Variants in ZNF382 observed in about 807,000 individuals in gnomAD.
The protein encoded by ZNF382 is zinc finger protein 382.
In ZNF382, 20 loss-of-function variants were observed where a neutral mutation model predicts 38.8. The observed-to-expected ratio is 0.51, with a 90% CI of 0.36 to 0.75. ZNF382 has a LOEUF of 0.75. Ranked by LOEUF, ZNF382 falls within the 30% of genes least tolerant of loss-of-function variation. ZNF382 has a pLI of 0.00. For synonymous variants in ZNF382, 202 were observed against 223.1 expected (o/e 0.91, Z 0.84); for missense variants, 546 against 654.1 (o/e 0.83, Z 1.80).
At chr19:36,618,192 A>G (rs888599911) in intron 4 of ZNF382, among the ~76,000 whole-genome samples, 5 of 152,150 alleles carry the variant, frequency 3.3e-5, no homozygotes, top group Admixed American at 3.3e-4. Context: ...TCCATGCTGA[A>G]CTACTCTCTT....
At chr19:36,618,677 CAAATAAGTGGGTTTTTT>C (rs1459528751) in intron 4 of ZNF382, among the ~76,000 whole-genome samples, 2 of 133,670 alleles carry the variant, frequency 1.5e-5, no homozygotes, top group Non-Finnish European at 3.3e-5. Context: ...TTAGTGCCTT[CAAATAAGTGGGTTTTTT>C]TTTTATCAGC....
chr19:36,622,375 T>A (rs2037177167), intron 4 of ZNF382, among the ~76,000 whole-genome samples: 1 of 152,174 alleles, frequency 6.6e-6, no homozygotes, highest in Non-Finnish European at 1.5e-5. Flanking sequence ...AAAGCTGTTA[T>A]ACTCACAGTT....
chr19:36,621,110 A>G (rs1268273007), intron 4 of ZNF382, among the ~76,000 whole-genome samples: 3 of 152,150 alleles, frequency 2.0e-5, no homozygotes, highest in African/African-American at 7.2e-5. Context: ...TCTTGTTCCC[A>G]TAATCAGCCC....
chr19:36,623,517 C>G (rs2037185688), intron 4 of ZNF382, among the ~76,000 whole-genome samples: 1 of 152,090 alleles, frequency 6.6e-6, no homozygotes, highest in Non-Finnish European at 1.5e-5. Context: ...TAGCCGGGAG[C>G]AGTCGCTCAC....
chr19:36,631,621 C>T lies in ZNF382; in HGVS notation c.*4071C>T, dbSNP rs1168999212. The T allele has an allele frequency of 6.6e-6, 1 of 151,884 alleles. No homozygotes were observed. Among genetic ancestry groups the T allele is most frequent in the Non-Finnish European group, 1.5e-5 (1 of 68,036 alleles). 9.4% of individuals were successfully genotyped at this position (151,884 alleles called of 1,614,324 possible). A position where few individuals can be genotyped will look rare whatever the true frequency, so the allele number is the denominator to read the frequency against. On this transcript the variant is annotated 3_prime_UTR_variant, in exon 5 of 5. Transcript: ENST00000292928. ...CAGGATGGTCTCAATCTCCTGACCT[C>T]GTGATCCACCCGCCTCGGCCTCTCA...
At position 36,627,596 on chromosome 19, in the gene ZNF382, C is replaced by T. The variant is rs757400959; in HGVS notation, c.*46C>T. The T allele has an allele frequency of 1.4e-6, 2 of 1,421,978 alleles. No individual in the cohort carries two copies. Among genetic ancestry groups the T allele is most frequent in the South Asian group, 1.2e-5 (1 of 80,358 alleles). 88.1% of individuals were successfully genotyped at this position (1,421,978 alleles called of 1,614,324 possible). On this transcript the variant is annotated 3_prime_UTR_variant, in exon 5 of 5. Coordinates refer to ENST00000292928, the MANE Select transcript of ZNF382 (RefSeq NM_032825.5). ...AAAAAATGTTAAGTCATAGTAAACCCTGTAGATGATGTTGCTTGCAAGCGT... is the reference window on the plus strand; with the variant it reads ...AAAAAATGTTAAGTCATAGTAAACCTTGTAGATGATGTTGCTTGCAAGCGT...
In ZNF382 at chr19:36,610,667, C is replaced by G; in HGVS notation, c.157C>G (p.Pro53Ala). The G allele has an allele frequency of 6.2e-7, 1 of 1,612,846 alleles. No homozygotes were observed. ...ATCATCAGGGTTTCACATGGCTAAGCCTGATATGATCCGCAAGTTGGAACA... is the reference window on the plus strand; with the variant it reads ...ATCATCAGGGTTTCACATGGCTAAGGCTGATATGATCCGCAAGTTGGAACA... ...FVSVGFHMAK[P>A]DMIRKLEQGE... Residue 53 changes from proline (P) to alanine (A), a missense_variant, in exon 4 of 5, where the codon CCT becomes GCT. Physicochemically the swap from Pro to Ala is conservative, Grantham distance 27. Coordinates refer to ENST00000292928, the MANE Select transcript of ZNF382 (RefSeq NM_032825.5).
chr19:36,610,831 G>GT, intron 4 of ZNF382, 89 bp downstream of exon 4: 1 of 949,432 alleles, frequency 1.1e-6, no homozygotes, highest in South Asian at 1.5e-5. Context: ...TGTTATTGTG[G>GT]TAAAATACAC....
chr19:36,609,826 A>G, intron 2 of ZNF382, 76 bp from the exon 3 acceptor site: 1 of 1,356,236 alleles, frequency 7.4e-7, no homozygotes, highest in South Asian at 1.6e-5. Context: ...ATAAATAAGG[A>G]AACTAGTCTG....
intron 1 of ZNF382, among the ~76,000 whole-genome samples, chr19:36,606,934 G>A (rs948709722): frequency 5.9e-5 from 9 of 151,710 alleles, no homozygotes; most frequent in South Asian, 2.1e-4. Flanking sequence ...AAAATTAGCC[G>A]GGCATGGTGG....
Position 36,607,577 on chromosome 19 carries a change from G to A in ZNF382, c.-59G>A. 1 of 1,534,738 alleles carries A rather than the reference G, an allele frequency of 6.5e-7. No homozygotes were observed. Among genetic ancestry groups the A allele is most frequent in the South Asian group, 1.2e-5 (1 of 83,942 alleles). ...GACTGTTTCTTTTTCCAAAAGAGGAGCTCAAAAGAGAAAGTTCATCTAGAA... is the reference window on the plus strand; with the variant it reads ...GACTGTTTCTTTTTCCAAAAGAGGAACTCAAAAGAGAAAGTTCATCTAGAA... On this transcript the variant is annotated 5_prime_UTR_variant, in exon 2 of 5. Coordinates refer to ENST00000292928, the MANE Select transcript of ZNF382 (RefSeq NM_032825.5).
intron 4 of ZNF382, among the ~76,000 whole-genome samples, chr19:36,613,056 G>A (rs1325405318): frequency 1.3e-5 from 2 of 152,214 alleles, no homozygotes; most frequent in African/African-American, 4.8e-5. Context: ...CTCCCAAAGT[G>A]CTGGGATTAC....
Position 36,628,653 on chromosome 19 carries a change from T to C in ZNF382, c.*1103T>C, listed in dbSNP as rs922109742. The C allele has an allele frequency of 3.3e-5, 5 of 152,624 alleles. No individual in the cohort carries two copies. The highest frequency in any genetic ancestry group is 7.2e-5 in the African/African-American group (3 of 41,462). 9.5% of individuals were successfully genotyped at this position (152,624 alleles called of 1,614,324 possible). A position where few individuals can be genotyped will look rare whatever the true frequency, so the allele number is the denominator to read the frequency against. On this transcript the variant is annotated 3_prime_UTR_variant, in exon 5 of 5. Transcript: ENST00000292928. ...CTACTAGAGGAGAGGCATCCAGCATTTCCCTTGTTCAACATCAGAGAATTC... is the reference window on the plus strand; with the variant it reads ...CTACTAGAGGAGAGGCATCCAGCATCTCCCTTGTTCAACATCAGAGAATTC...
intron 4 of ZNF382, among the ~76,000 whole-genome samples, chr19:36,615,274 G>GC (rs71171461): frequency 2.6e-5 from 4 of 152,034 alleles, no homozygotes; most frequent in Admixed American, 2.6e-4. Flanking sequence ...ATGAGCCACT[G>GC]CCCCCCGACT....
At chr19:36,622,419 A>C (rs1057432570) in intron 4 of ZNF382, among the ~76,000 whole-genome samples, 9 of 152,212 alleles carry the variant, frequency 5.9e-5, no homozygotes, top group African/African-American at 1.9e-4. Flanking sequence ...GAAATCAATC[A>C]AGGGAAGAAG....
chr19:36,623,139 G>A (rs1235758956), intron 4 of ZNF382, among the ~76,000 whole-genome samples: 2 of 152,080 alleles, frequency 1.3e-5, no homozygotes, highest in African/African-American at 4.8e-5. Flanking sequence ...CATGTATCCA[G>A]TAGTTATCTT....
Position 36,628,163 on chromosome 19 carries a change from C to T in ZNF382, c.*613C>T, listed in dbSNP as rs945363450. 1.8e-4 allele frequency: 27 copies of T among 152,162 alleles called. No individual in the cohort carries two copies. Among genetic ancestry groups the T allele is most frequent in the Non-Finnish European group, 1.5e-4 (10 of 68,146 alleles). 9.4% of individuals were successfully genotyped at this position (152,162 alleles called of 1,614,324 possible). A position where few individuals can be genotyped will look rare whatever the true frequency, so the allele number is the denominator to read the frequency against. On this transcript the variant is annotated 3_prime_UTR_variant, in exon 5 of 5. Transcript: ENST00000292928. Reference sequence around the variant, plus strand: ...TGGCAGAAGTTTATTTATTTTTATCCAGTATAGAATTCAATTATATGATTA... The same window carrying T: ...TGGCAGAAGTTTATTTATTTTTATCTAGTATAGAATTCAATTATATGATTA...
rs1160490804 is a variant in ZNF382 at position 36,629,736 on chromosome 19, C to A, written c.*2186C>A. On this transcript the variant is annotated 3_prime_UTR_variant, in exon 5 of 5. Transcript: ENST00000292928. Reference sequence around the variant, plus strand: ...ATCACTTGAGCCCAGGAGTTCGAGACCAGCCTGGGAAACATGCCAAAACCC... The same window carrying A: ...ATCACTTGAGCCCAGGAGTTCGAGAACAGCCTGGGAAACATGCCAAAACCC... 2 of 151,922 alleles carry A rather than the reference C, an allele frequency of 1.3e-5. No individual in the cohort carries two copies. Among genetic ancestry groups the A allele is most frequent in the South Asian group, 2.1e-4 (1 of 4,814 alleles). The allele number at this position is 151,922 out of a possible 1,614,324, so 9.4% of individuals were successfully genotyped here.
Position 36,626,940 on chromosome 19 carries a change from A to G in ZNF382, c.1043A>G (p.Glu348Gly), listed in dbSNP as rs967563089. ...ACCCTTCATGAGAAAACACATATAG[A>G]GGGGAAACCCTTTATTTGTATCGAT... ...ALTLHEKTHI[E>G]GKPFICIDCG... Residue 348 changes from glutamate to glycine, a missense_variant, in exon 5 of 5, where the codon GAG (glutamate) becomes GGG (glycine). Physicochemically the swap from Glu to Gly is moderately conservative, Grantham distance 98. Transcript: ENST00000292928. 21 of 1,614,078 alleles carry G rather than the reference A, an allele frequency of 1.3e-5. No individual in the cohort carries two copies. The highest frequency in any genetic ancestry group is 1.6e-5 in the Non-Finnish European group (19 of 1,180,052).
Sources: gnomAD v4.1 joint callset for allele counts (sites outside exome capture counted in the v4.1 genomes callset) on GRCh38, gnomAD v4.1.1 for gene constraint, MANE v1.5 for transcripts, NCBI Gene and HGNC (gene_info 2026-07-23, HGNC 2026-07-21) for gene names.